HIVEP3: variants seen among roughly 807,000 people sequenced by gnomAD.
HIVEP3 encodes the protein HIVEP zinc finger 3, also known as transcription factor HIVEP3.
A neutral mutation model predicts 152.8 loss-of-function variants in HIVEP3; 49 were observed. That is an observed-to-expected ratio of 0.32 (90% CI 0.26 to 0.41). The LOEUF (loss-of-function observed/expected upper bound fraction) is 0.41. Among genes scored for constraint, HIVEP3 ranks in the 10% least tolerant of loss-of-function variants. The pLI is 1.00. For synonymous variants in HIVEP3, 1,269 were observed against 1,289.0 expected, an observed-to-expected ratio of 0.98 and a Z score of 0.33; for missense variants, 2,790 against 3,103.3, an observed-to-expected ratio of 0.90 and a Z score of 2.40.
intron 5 of HIVEP3, among the ~76,000 whole-genome samples, chr1:41,554,525 C>A (rs1643935972): frequency 6.6e-6 from 1 of 152,140 alleles, no homozygotes; most frequent in African/African-American, 2.4e-5. Flanking sequence ...CAGCTTTTTT[C>A]CTTTGCTGGC....
At chr1:41,532,791 T>G (rs1273920427) in intron 5 of HIVEP3, among the ~76,000 whole-genome samples, 2 of 152,022 alleles carry the variant, frequency 1.3e-5, no homozygotes, top group African/African-American at 4.8e-5. Context: ...GAGGAAGACA[T>G]GAAGAAACGT....
intron 1 of HIVEP3, among the ~76,000 whole-genome samples, chr1:41,755,250 A>G (rs143449173): frequency 6.6e-6 from 1 of 152,350 alleles, no homozygotes; most frequent in Non-Finnish European, 1.5e-5. Context: ...TTAGCTATCC[A>G]TAAGGAAAAC....
At chr1:42,028,491 C>T (rs1283050716) in intron 1 of HIVEP3, among the ~76,000 whole-genome samples, 1 of 152,216 alleles carries the variant, frequency 6.6e-6, no homozygotes, top group African/African-American at 2.4e-5. Flanking sequence ...GTCACCACTT[C>T]CAGCTTGAGT....
In HIVEP3 at chr1:41,662,901, G is replaced by A. The variant is rs1020736512; in HGVS notation, c.-720-33954C>T. Among the ~76,000 whole-genome samples, 3 of 152,152 alleles carry A rather than the reference G, an allele frequency of 2.0e-5. No individual in the cohort carries two copies. Among genetic ancestry groups the A allele is most frequent in the African/African-American group, 7.2e-5 (3 of 41,450 alleles). ...CGCCTTCCCCCTGGGTGCCAGCCGG[G>A]CTCCGGGAAGCCCGCGCCTCCCCAG... is the stretch of plus-strand genomic sequence containing the variant. On this transcript the variant is annotated intron_variant, in intron 2 of 8. Coordinates refer to ENST00000372583, the MANE Select transcript of HIVEP3 (RefSeq NM_024503.5). This position sits in a 1 kb window ranked among gnomAD's most constrained non-coding sequence, Gnocchi z 7.2.
chr1:41,752,500 C>T (rs903280277), intron 1 of HIVEP3, among the ~76,000 whole-genome samples: 24 of 152,230 alleles, frequency 1.6e-4, no homozygotes, highest in Admixed American at 2.0e-4. Context: ...GGGCTGGTGC[C>T]TAACCCAGCC....
intron 1 of HIVEP3, among the ~76,000 whole-genome samples, chr1:41,718,262 G>A (rs1252330546): frequency 6.6e-6 from 1 of 152,226 alleles, no homozygotes; most frequent in Non-Finnish European, 1.5e-5. Context: ...GCAGTGAGGC[G>A]ACTGTGGGCA....
intron 1 of HIVEP3, among the ~76,000 whole-genome samples, chr1:42,008,212 T>A (rs577138813): frequency 1.3e-5 from 2 of 152,294 alleles, no homozygotes; most frequent in South Asian, 4.1e-4. Context: ...TCACATGAAA[T>A]CTGTGCCACT....
At chr1:41,747,093 A>G (rs1189269284) in intron 1 of HIVEP3, among the ~76,000 whole-genome samples, 1 of 152,226 alleles carries the variant, frequency 6.6e-6, no homozygotes, top group Non-Finnish European at 1.5e-5. Flanking sequence ...GAGAGGCAGC[A>G]GCAGGATAGG....
At chr1:41,760,780 C>T (rs914965045) in intron 1 of HIVEP3, among the ~76,000 whole-genome samples, 1 of 152,166 alleles carries the variant, frequency 6.6e-6, no homozygotes, top group Admixed American at 6.5e-5. Flanking sequence ...TGAGAGGTCA[C>T]TTCAGGATCT....
chr1:41,978,993 G>A (rs937799174), intron 1 of HIVEP3, among the ~76,000 whole-genome samples: 3 of 152,046 alleles, frequency 2.0e-5, no homozygotes, highest in African/African-American at 7.2e-5. Context: ...TGTCAAGAAG[G>A]CATCCTCTCT....
At chr1:41,929,897 C>A (rs1644988266) in intron 1 of HIVEP3, among the ~76,000 whole-genome samples, 1 of 151,706 alleles carries the variant, frequency 6.6e-6, no homozygotes. Flanking sequence ...CTTATCTGTT[C>A]ATTCCTAGTA....
At chr1:41,869,737 T>C (rs1162771029) in intron 1 of HIVEP3, 1 of 152,216 alleles carries the variant, frequency 6.6e-6, no homozygotes, top group Non-Finnish European at 1.5e-5. Flanking sequence ...GACAGCATCA[T>C]GGGTGTAAGC....
At chr1:41,614,205 G>A (rs1013344859) in intron 3 of HIVEP3, among the ~76,000 whole-genome samples, 1 of 152,214 alleles carries the variant, frequency 6.6e-6, no homozygotes, top group Non-Finnish European at 1.5e-5. Context: ...TAGCACATGG[G>A]ACGGCACTCA....
chr1:41,845,104 C>A (rs991452863), intron 1 of HIVEP3, among the ~76,000 whole-genome samples: 1 of 152,206 alleles, frequency 6.6e-6, no homozygotes, highest in East Asian at 1.9e-4. Flanking sequence ...CTCTATGTAG[C>A]CTCCCCTGAC....
chr1:41,733,875 G>A (rs992017756), intron 1 of HIVEP3, among the ~76,000 whole-genome samples: 1 of 152,012 alleles, frequency 6.6e-6, no homozygotes, highest in Non-Finnish European at 1.5e-5. Flanking sequence ...CTGTTCCTCG[G>A]CTCTCAAGGC....
chr1:41,800,286 G>A (rs917105850), intron 1 of HIVEP3, among the ~76,000 whole-genome samples: 1 of 152,192 alleles, frequency 6.6e-6, no homozygotes, highest in African/African-American at 2.4e-5. Flanking sequence ...TGGTCCAAAG[G>A]ATGTGGCAGA....
At chr1:41,692,557 G>A (rs1161883828) in intron 2 of HIVEP3, among the ~76,000 whole-genome samples, 1 of 152,160 alleles carries the variant, frequency 6.6e-6, no homozygotes, top group Non-Finnish European at 1.5e-5. Flanking sequence ...GTAACCAGAG[G>A]CTCACAGGAA....
chr1:41,895,972 GATGA>G (rs1644521434), intron 1 of HIVEP3, among the ~76,000 whole-genome samples: 1 of 152,152 alleles, frequency 6.6e-6, no homozygotes, highest in Admixed American at 6.5e-5. Flanking sequence ...GCACTGCCCG[GATGA>G]ATATTAATTG....
In HIVEP3 at chr1:41,510,349, A is replaced by G; in HGVS notation, c.*102T>C. On this transcript the variant is annotated 3_prime_UTR_variant, in exon 9 of 9. Transcript: ENST00000372583. The stretch of plus-strand genomic sequence containing the variant: ...TGGGGCCGTGAGAGCTCCTGGACGG[A>G]GGGACAGATGGGGCTGAGGAAGTGG... 6.6e-6 allele frequency: 7 copies of G among 1,057,958 alleles called. No homozygotes were observed. Among genetic ancestry groups the G allele is most frequent in the Non-Finnish European group, 5.1e-6 (4 of 785,096 alleles). 65.5% of individuals were successfully genotyped at this position (1,057,958 alleles called of 1,614,324 possible).
Sources: allele counts gnomAD v4.1 joint callset (sites outside exome capture counted in the v4.1 genomes callset), GRCh38; gene constraint gnomAD v4.1.1; non-coding constraint Gnocchi (gnomAD v3.1); transcripts MANE v1.5; gene names NCBI Gene and HGNC (gene_info 2026-07-23, HGNC 2026-07-21).